Variants in TESMIN observed in about 807,000 individuals in gnomAD.
TESMIN encodes the protein testis expressed metallothionein like protein, also known as CXC domain containing 2.
A neutral mutation model predicts 47.4 loss-of-function variants in TESMIN; 34 were observed. The ratio of observed to expected loss-of-function variants is 0.72; its 90% CI spans 0.55 to 0.96. The LOEUF (loss-of-function observed/expected upper bound fraction) is 0.96. Ranked by LOEUF, TESMIN falls within the 40% of genes least tolerant of loss-of-function variation. TESMIN has a pLI of 0.00. For synonymous variants in TESMIN, 278 were observed against 258.9 expected (o/e 1.07, Z -0.71); for missense variants, 610 against 637.2 (o/e 0.96, Z 0.46).
At chr11:68,727,402 T>C (rs1010686541) in intron 6 of TESMIN, among the ~76,000 whole-genome samples, 8 of 151,918 alleles carry the variant, frequency 5.3e-5, no homozygotes, top group Non-Finnish European at 8.8e-5. Flanking sequence ...ATCACACCAC[T>C]GTACTCCAGC....
chr11:68,731,480 A>G (rs1253188857), intron 6 of TESMIN, among the ~76,000 whole-genome samples: 1 of 152,130 alleles, frequency 6.6e-6, no homozygotes, highest in Non-Finnish European at 1.5e-5. Context: ...TTTTATCTCT[A>G]TTGATGGCAA....
At chr11:68,719,803 G>C (rs1248578450) in intron 6 of TESMIN, among the ~76,000 whole-genome samples, 1 of 152,190 alleles carries the variant, frequency 6.6e-6, no homozygotes, top group Non-Finnish European at 1.5e-5. Context: ...AAATATACAA[G>C]AGAGGTTAAG....
chr11:68,705,816 A>G (rs1024110011), downstream of TESMIN, among the ~76,000 whole-genome samples: 2 of 152,148 alleles, frequency 1.3e-5, no homozygotes, highest in Admixed American at 6.5e-5. Flanking sequence ...TGAGATCAGG[A>G]GTTCAAGACC....
intron 5 of TESMIN, among the ~76,000 whole-genome samples, chr11:68,741,616 G>A (rs1053288579): frequency 3.3e-5 from 5 of 152,264 alleles, no homozygotes; most frequent in African/African-American, 9.6e-5. Context: ...ATCAGTGCCT[G>A]CCCTTATTGA....
rs35773957 is a variant in TESMIN, at chr11:68,742,367, A to G, written c.779T>C (p.Val260Ala). Residue 260 changes from valine (V) to alanine (A), a missense_variant, in exon 5 of 10, where the codon GTA becomes GCA. Physicochemically the swap from Val to Ala is moderately conservative, Grantham distance 64. Transcript: ENST00000255087. ...SDVPKPMTAL[V>A]GRFLPASTKL... is the part of the protein sequence containing the mutation. Reference sequence around the variant, plus strand: ...TGTTGATGCTGGCAAAAATCTCCCTACTAAAGCAGTCATTGGTTTAGGGAC... The same window carrying G: ...TGTTGATGCTGGCAAAAATCTCCCTGCTAAAGCAGTCATTGGTTTAGGGAC... 0.013 allele frequency: 20,671 copies of G among 1,601,890 alleles called. 179 individuals carry two copies. The highest frequency in any genetic ancestry group is 0.016 in the Non-Finnish European group (18,398 of 1,171,298).
chr11:68,717,757 T>C (rs11228331), intron 6 of TESMIN, among the ~76,000 whole-genome samples: 106,454 of 151,500 alleles, frequency 0.7, 37,958 homozygotes, highest in East Asian at 0.86. Context: ...CAGGAAGGCA[T>C]GAGTCCCCAG....
At chr11:68,745,134 G>A (rs1219993309) in intron 3 of TESMIN, 23 bp from the exon 4 acceptor site, 3 of 1,567,478 alleles carry the variant, frequency 1.9e-6, no homozygotes, top group East Asian at 2.3e-5. Flanking sequence ...AGAACAATCA[G>A]GTTTCATTTT....
chr11:68,736,581 C>T (rs1946388973), intron 6 of TESMIN: 6 of 985,168 alleles, frequency 6.1e-6, no homozygotes, highest in Non-Finnish European at 6.0e-6. Context: ...AATCATCAGG[C>T]CCAATTAAGT....
intron 4 of TESMIN, among the ~76,000 whole-genome samples, chr11:68,744,284 A>G (rs1165412795): frequency 2.0e-5 from 3 of 152,196 alleles, no homozygotes; most frequent in Non-Finnish European, 4.4e-5. Flanking sequence ...TCGTTAACTC[A>G]AGATCTAGGG....
At chr11:68,744,097 T>G (rs1342058758) in intron 4 of TESMIN, among the ~76,000 whole-genome samples, 1 of 152,160 alleles carries the variant, frequency 6.6e-6, no homozygotes, top group African/African-American at 2.4e-5. Context: ...AGTCAATGTC[T>G]TGAGGATATT....
Position 68,750,409 on chromosome 11 carries a change from C to G in TESMIN, c.252G>C (p.Ala84=). 6.6e-7 allele frequency: 1 copy of G among 1,525,282 alleles called. No homozygotes were observed. The highest frequency in any genetic ancestry group is 2.5e-5 in the East Asian group (1 of 40,238). The allele number at this position is 1,525,282 out of a possible 1,614,324, so 94.5% of individuals were successfully genotyped here. ...DCKGQVKAKL[A]GGDSDGGELL... is the part of the protein sequence containing the mutation. ...GCTCCCCGCCGTCGCTGTCGCCCCC[C>G]GCGAGCTTCGCCTTGACCTGGCCCT... The change falls in exon 2 of 10, where the codon GCG becomes GCC. Residue 84 remains alanine (A), a synonymous_variant. Coordinates refer to ENST00000255087, the MANE Select transcript of TESMIN (RefSeq NM_004923.3).
At chr11:68,730,738 T>G (rs1449909919) in intron 6 of TESMIN, among the ~76,000 whole-genome samples, 3 of 146,398 alleles carry the variant, frequency 2.0e-5, no homozygotes, top group Admixed American at 7.0e-5. Flanking sequence ...GAGGTTGCAG[T>G]GAGCCGAGAT....
intron 6 of TESMIN, among the ~76,000 whole-genome samples, chr11:68,721,298 T>A (rs1003817594): frequency 2.6e-5 from 4 of 152,218 alleles, no homozygotes; most frequent in Non-Finnish European, 1.5e-5. Flanking sequence ...ACAGGGCCTT[T>A]GCACCTGCTG....
intron 4 of TESMIN, among the ~76,000 whole-genome samples, chr11:68,743,234 CTTTTTTTTT>C (rs57435562): frequency 8.1e-6 from 1 of 123,060 alleles, no homozygotes; most frequent in East Asian, 2.4e-4. Flanking sequence ...ACAGGAACTA[CTTTTTTTTT>C]TTTTTTTTTT....
At chr11:68,741,996 C>A (rs7121127) in intron 5 of TESMIN, among the ~76,000 whole-genome samples, 1 of 152,206 alleles carries the variant, frequency 6.6e-6, no homozygotes, top group Non-Finnish European at 1.5e-5. Context: ...GGGTGAGGAG[C>A]GTTCTGGACC....
At chr11:68,742,906 T>C (rs1189852032) in intron 4 of TESMIN, among the ~76,000 whole-genome samples, 1 of 152,070 alleles carries the variant, frequency 6.6e-6, no homozygotes, top group Non-Finnish European at 1.5e-5. Context: ...AGATAGGATC[T>C]TGCTCTGTTG....
Position 68,711,401 on chromosome 11 carries a change from ATGTG to A in TESMIN, c.1159-356_1159-353del, listed in dbSNP as rs752899371. ...TGTGTATATGTGTGAGTGAATGTGA[ATGTG>A]TGTGTGACTGTGTGTGTTTGAATGT... is the stretch of plus-strand genomic sequence containing the variant. On this transcript the variant is annotated intron_variant, in intron 8 of 9. Transcript: ENST00000255087. 4.8e-5 allele frequency among the ~76,000 whole-genome samples: 7 copies of A among 146,592 alleles called. No homozygotes were observed. The South Asian group carries it at 1.1e-3, about 23-fold the overall frequency.
chr11:68,712,314 A>G (rs571563810), intron 8 of TESMIN, among the ~76,000 whole-genome samples: 81 of 152,288 alleles, frequency 5.3e-4, no homozygotes, highest in African/African-American at 1.9e-3. Flanking sequence ...TCAACTGTGC[A>G]TCTCTGTCGT....
chr11:68,721,507 T>G (rs187210093), intron 6 of TESMIN, among the ~76,000 whole-genome samples: 1 of 152,294 alleles, frequency 6.6e-6, no homozygotes, highest in Non-Finnish European at 1.5e-5. Context: ...TACATGATGA[T>G]TCATATGGGA....
Sources: allele counts gnomAD v4.1 joint callset (sites outside exome capture counted in the v4.1 genomes callset), GRCh38; gene constraint gnomAD v4.1.1; transcripts MANE v1.5; gene names NCBI Gene and HGNC (gene_info 2026-07-23, HGNC 2026-07-21).